Variants in ATXN1 observed in about 807,000 individuals in gnomAD.
ATXN1 encodes the protein ataxin 1.
In ATXN1, 8 loss-of-function variants were observed where a neutral mutation model predicts 56.4. The observed-to-expected ratio is 0.14, with a 90% CI of 0.08 to 0.26. The LOEUF (loss-of-function observed/expected upper bound fraction) is 0.26, where lower values mean the gene tolerates loss of function less well. Ranked by LOEUF, ATXN1 falls within the 10% of genes least tolerant of loss-of-function variation. ATXN1 has a pLI of 1.00. For missense variants in ATXN1, 987 were observed against 1,106.5 expected (o/e 0.89, Z 1.53); for synonymous variants, 514 against 494.6 (o/e 1.04, Z -0.52).
intron 4 of ATXN1, among the ~76,000 whole-genome samples, chr6:16,580,848 T>C (rs1762515280): frequency 6.6e-6 from 1 of 152,158 alleles, no homozygotes; most frequent in Non-Finnish European, 1.5e-5. Context: ...ATAATGCCTT[T>C]ACCCAAACTG....
intron 6 of ATXN1, among the ~76,000 whole-genome samples, chr6:16,440,649 A>AAAAAG (rs56105499): frequency 8.8e-6 from 1 of 113,658 alleles, no homozygotes; most frequent in Non-Finnish European, 1.8e-5. Context: ...TTAAAAAAAA[A>AAAAAG]AAAGAAAAGA....
chr6:16,428,132 T>TTTC (rs1454614972), intron 6 of ATXN1, among the ~76,000 whole-genome samples: 1 of 151,444 alleles, frequency 6.6e-6, no homozygotes, highest in Non-Finnish European at 1.5e-5. Flanking sequence ...TTTTTTTTTT[T>TTTC]TCTGAGATGT....
Position 16,760,871 on chromosome 6 carries a change from T to C in ATXN1, c.-730+427A>G, listed in dbSNP as rs591941. ...GGAGGAGGACATGGCTCTCCGCACT[T>C]GCGACCGGACCAGCAGCCGGGGGAG... On this transcript the variant is annotated intron_variant, in intron 1 of 7. Coordinates refer to ENST00000436367, the MANE Select transcript of ATXN1 (RefSeq NM_001128164.2). The surrounding 1 kb of genome is among the most constrained non-coding windows in gnomAD (Gnocchi z 5.3). Among the ~76,000 whole-genome samples, 100,715 of 148,108 alleles carry C rather than the reference T, an allele frequency of 0.68. 34,663 individuals are homozygous for C. The highest frequency in any genetic ancestry group is 0.79 in the African/African-American group (32,227 of 40,692).
chr6:16,531,957 C>T (rs780428553), intron 4 of ATXN1, among the ~76,000 whole-genome samples: 28 of 152,150 alleles, frequency 1.8e-4, no homozygotes, highest in Non-Finnish European at 1.2e-4. Context: ...CAAAGGTTGG[C>T]AAACTTTTTC....
chr6:16,646,648 G>A (rs141697899), intron 3 of ATXN1, among the ~76,000 whole-genome samples: 70 of 152,320 alleles, frequency 4.6e-4, no homozygotes, highest in African/African-American at 1.4e-3. Flanking sequence ...ACGCCCTCCC[G>A]TGTGGAATGC....
At chr6:16,366,044 T>G (rs1308819848) in intron 6 of ATXN1, among the ~76,000 whole-genome samples, 1 of 152,218 alleles carries the variant, frequency 6.6e-6, no homozygotes, top group African/African-American at 2.4e-5. Context: ...CATCAGAGAT[T>G]ATGTTTATTT....
chr6:16,353,906 G>A (rs990177864), intron 6 of ATXN1, among the ~76,000 whole-genome samples: 1 of 152,208 alleles, frequency 6.6e-6, no homozygotes, highest in Non-Finnish European at 1.5e-5. Context: ...CCAAGATTGT[G>A]TAGGTCTGGG....
chr6:16,734,414 TGA>T (rs1437546796), intron 2 of ATXN1, among the ~76,000 whole-genome samples: 4 of 152,088 alleles, frequency 2.6e-5, no homozygotes, highest in African/African-American at 9.6e-5. Context: ...GGAAGAAGGA[TGA>T]GAGATGAAAA....
In ATXN1 at chr6:16,673,020, CAAAAA is replaced by C. The variant is rs559212594; in HGVS notation, c.-614-15124_-614-15120del. Among the ~76,000 whole-genome samples the C allele has an allele frequency of 3.8e-4, 40 of 105,570 alleles. 1 individual carries two copies. In the Admixed American group the frequency reaches 4.1e-3, roughly 11 times the overall value. 69.3% of individuals were successfully genotyped at this position (105,570 alleles called of 152,430 possible). The stretch of plus-strand genomic sequence containing the variant: ...AGAATGAGACTCCGTTCCCCCCCGC[CAAAAA>C]AAAAAAAAAAAGAAAAGAAAAGAAA... On this transcript the variant is annotated intron_variant, in intron 2 of 7. Coordinates refer to ENST00000436367, the MANE Select transcript of ATXN1 (RefSeq NM_001128164.2).
intron 3 of ATXN1, among the ~76,000 whole-genome samples, chr6:16,606,576 T>A (rs1250237037): frequency 6.6e-6 from 1 of 152,036 alleles, no homozygotes; most frequent in East Asian, 1.9e-4. Flanking sequence ...TCGCCCAGGC[T>A]GGAGTCCGGT....
chr6:16,327,960 G>A lies in ATXN1; in HGVS notation c.351C>T (p.Pro117=), dbSNP rs749956529. ...TGTGCGGCAGGTGAGCGTACTGCAC[G>A]GGGGACACCGGGGTCCCTGGCTGCG... is the stretch of plus-strand genomic sequence containing the variant. ...ATPQPGTPVS[P]VQYAHLPHTF... is the part of the protein sequence containing the mutation. Residue 117 remains proline (P), a synonymous_variant, in exon 7 of 8, where the codon CCC becomes CCT. Transcript: ENST00000436367. The A allele has an allele frequency of 3.3e-5, 53 of 1,612,958 alleles. No homozygotes were observed. The highest frequency in any genetic ancestry group is 4.5e-5 in the East Asian group (2 of 44,890).
chr6:16,398,337 T>C lies in ATXN1; in HGVS notation c.-160-69867A>G, dbSNP rs537633935. Among the ~76,000 whole-genome samples, 5 of 152,376 alleles carry C rather than the reference T, an allele frequency of 3.3e-5. No homozygotes were observed. The East Asian group carries it at 9.6e-4, about 29-fold the overall frequency. ...GTGGGCATCATTAGGAAGTGTTTTATACTTTGTGTCTAAGTTATTCAAACC... is the reference window on the plus strand; with the variant it reads ...GTGGGCATCATTAGGAAGTGTTTTACACTTTGTGTCTAAGTTATTCAAACC... On this transcript the variant is annotated intron_variant, in intron 6 of 7. Coordinates refer to ENST00000436367, the MANE Select transcript of ATXN1 (RefSeq NM_001128164.2).
chr6:16,387,695 C>T (rs937217602), intron 6 of ATXN1, among the ~76,000 whole-genome samples: 6 of 152,300 alleles, frequency 3.9e-5, no homozygotes, highest in South Asian at 2.1e-4. Context: ...GCAACTTTAA[C>T]GAAACACTCT....
At chr6:16,333,294 G>A (rs960233074) in intron 6 of ATXN1, among the ~76,000 whole-genome samples, 1 of 152,166 alleles carries the variant, frequency 6.6e-6, no homozygotes, top group African/African-American at 2.4e-5. Flanking sequence ...GAAGAAAAAT[G>A]AAATTTAACA....
intron 6 of ATXN1, among the ~76,000 whole-genome samples, chr6:16,396,558 G>T (rs1758463507): frequency 6.6e-6 from 1 of 152,174 alleles, no homozygotes; most frequent in Non-Finnish European, 1.5e-5. Flanking sequence ...AAGTAAAAAA[G>T]TAAGCTGAGC....
intron 6 of ATXN1, among the ~76,000 whole-genome samples, chr6:16,348,032 C>G (rs139693322): frequency 6.6e-6 from 1 of 152,278 alleles, no homozygotes; most frequent in Non-Finnish European, 1.5e-5. Context: ...CAACTCCAGA[C>G]ATGCCGCTTT....
At chr6:16,317,287 G>A (rs1282811119) in intron 7 of ATXN1, among the ~76,000 whole-genome samples, 1 of 151,748 alleles carries the variant, frequency 6.6e-6, no homozygotes, top group East Asian at 1.9e-4. Flanking sequence ...AACACCCTAA[G>A]CAGTAAGTAG....
At chr6:16,653,778 A>T (rs1233690559) in intron 3 of ATXN1, among the ~76,000 whole-genome samples, 1 of 152,196 alleles carries the variant, frequency 6.6e-6, no homozygotes, top group Admixed American at 6.5e-5. Flanking sequence ...CTGACCTCAC[A>T]TCCTGAAAAA....
chr6:16,391,774 G>C (rs1257065602), intron 6 of ATXN1, among the ~76,000 whole-genome samples: 1 of 152,168 alleles, frequency 6.6e-6, no homozygotes, highest in Non-Finnish European at 1.5e-5. Context: ...GCTGTGCAAG[G>C]TGGTGGATGA....
Sources: gnomAD v4.1 joint callset for allele counts (sites outside exome capture counted in the v4.1 genomes callset) on GRCh38, gnomAD v4.1.1 for gene constraint, Gnocchi (gnomAD v3.1) non-coding constraint, MANE v1.5 for transcripts, NCBI Gene and HGNC (gene_info 2026-07-23, HGNC 2026-07-21) for gene names.